The following GFPT1 variants were observed in gnomAD, a reference collection of about 807,000 sequenced individuals.
The protein encoded by GFPT1 is glutamine--fructose-6-phosphate transaminase 1, also known as glutamine--fructose-6-phosphate aminotransferase [isomerizing] 1.
Under a neutral mutation model 92.0 loss-of-function variants are expected in GFPT1, and 40 were observed. The observed-to-expected ratio is 0.43, with a 90% CI of 0.34 to 0.57. The LOEUF is 0.57. Among genes scored for constraint, GFPT1 ranks in the 20% least tolerant of loss-of-function variants. The pLI, the probability that GFPT1 is intolerant of heterozygous loss-of-function variation, is 0.02. For synonymous variants in GFPT1, 269 were observed against 280.6 expected (o/e 0.96, Z 0.41); for missense variants, 448 against 869.1 (o/e 0.52, Z 6.09).
At chr2:69,345,805 G>A (rs1671067403) in intron 12 of GFPT1, 99 bp downstream of exon 12, 1 of 752,740 alleles carries the variant, frequency 1.3e-6, no homozygotes, top group East Asian at 2.6e-5. Flanking sequence ...AGCTGTAGTT[G>A]TTCTACAAGG....
At chr2:69,342,016 C>T (rs1670965483) in intron 13 of GFPT1, 136 bp downstream of exon 13, 2 of 599,042 alleles carry the variant, frequency 3.3e-6, no homozygotes, top group Non-Finnish European at 5.8e-6. Context: ...CTCCCCTTAC[C>T]TTCTTTTTTT....
chr2:69,345,760 T>C lies in GFPT1; in HGVS notation c.1105+144A>G, dbSNP rs1574057965. Reference sequence around the variant, plus strand: ...AGGTAGAATCACACACTAAAGAACTTTTTCCAAGATGGCTGGGCTCCACTG... The same window carrying C: ...AGGTAGAATCACACACTAAAGAACTCTTTCCAAGATGGCTGGGCTCCACTG... On this transcript the variant is annotated intron_variant, in intron 12 of 19. Transcript: ENST00000357308. 4.8e-6 allele frequency: 3 copies of C among 628,956 alleles called. No homozygotes were observed. In the Admixed American group the frequency reaches 8.4e-5, roughly 18 times the overall value. 39.0% of individuals were successfully genotyped at this position (628,956 alleles called of 1,614,324 possible). A position where few individuals can be genotyped will look rare whatever the true frequency, so the allele number is the denominator to read the frequency against.
At chr2:69,364,114 C>CA (rs10715095) in intron 3 of GFPT1, among the ~76,000 whole-genome samples, 25,245 of 98,752 alleles carry the variant, frequency 0.26, 2,652 homozygotes, top group African/African-American at 0.32. Flanking sequence ...GACTCCATCT[C>CA]AAAAAAAAAA....
At chr2:69,371,000 AAAAC>A (rs532619158) in intron 2 of GFPT1, among the ~76,000 whole-genome samples, 440 of 152,154 alleles carry the variant, frequency 2.9e-3, no homozygotes, top group Non-Finnish European at 3.5e-3. Flanking sequence ...ATTCATCTCA[AAAAC>A]AAACAAACAA....
chr2:69,339,877 T>C (rs1670896485), intron 13 of GFPT1, among the ~76,000 whole-genome samples: 1 of 152,128 alleles, frequency 6.6e-6, no homozygotes, highest in South Asian at 2.1e-4. Context: ...TTTCCATTAA[T>C]ATATTTTATT....
Position 69,328,701 on chromosome 2 carries a change from C to CT in GFPT1, c.1726-264dup, listed in dbSNP as rs10634143. On this transcript the variant is annotated intron_variant, in intron 17 of 19. Transcript: ENST00000357308. Reference sequence around the variant, plus strand: ...AACATATTCATATTTCTGGTTAACCCTTTTTTTTTTTTTTTTTAAGACAGA... The same window carrying CT: ...AACATATTCATATTTCTGGTTAACCCTTTTTTTTTTTTTTTTTTAAGACAGA... Among the ~76,000 whole-genome samples, 33,199 of 135,938 alleles carry CT rather than the reference C, an allele frequency of 0.24. 5,721 individuals are homozygous for CT. The highest frequency in any genetic ancestry group is 0.49 in the African/African-American group (17,619 of 36,168). 89.2% of individuals were successfully genotyped at this position (135,938 alleles called of 152,430 possible). A position where few individuals can be genotyped will look rare whatever the true frequency, so the allele number is the denominator to read the frequency against.
intron 13 of GFPT1, among the ~76,000 whole-genome samples, chr2:69,340,526 T>A (rs1670924211): frequency 6.6e-6 from 1 of 152,152 alleles, no homozygotes; most frequent in Admixed American, 6.5e-5. Flanking sequence ...GTTATTTATA[T>A]CCTACTGCTC....
At chr2:69,359,831 T>C (rs1671424158) in intron 4 of GFPT1, among the ~76,000 whole-genome samples, 1 of 152,190 alleles carries the variant, frequency 6.6e-6, no homozygotes, top group African/African-American at 2.4e-5. Context: ...GAAAAACCAA[T>C]CAGTTCCATA....
chr2:69,331,022 A>T (rs896318353), intron 15 of GFPT1, among the ~76,000 whole-genome samples: 3 of 152,194 alleles, frequency 2.0e-5, no homozygotes, highest in African/African-American at 4.8e-5. Flanking sequence ...CTAAAAGACA[A>T]TTAGTTTCTT....
intron 9 of GFPT1, among the ~76,000 whole-genome samples, chr2:69,352,387 G>A (rs1671228873): frequency 6.6e-6 from 1 of 151,938 alleles, no homozygotes; most frequent in Non-Finnish European, 1.5e-5. Flanking sequence ...GGCCGAGGTG[G>A]GCGGATCATG....
intron 2 of GFPT1, 54 bp downstream of exon 2, chr2:69,373,952 A>T: frequency 1.2e-6 from 1 of 851,802 alleles, no homozygotes; most frequent in Non-Finnish European, 2.0e-6. Flanking sequence ...TAACAATAAA[A>T]ATAGTATCTA....
At chr2:69,352,072 G>C (rs1464958565) in intron 9 of GFPT1, among the ~76,000 whole-genome samples, 2 of 149,850 alleles carry the variant, frequency 1.3e-5, no homozygotes, top group Non-Finnish European at 3.0e-5. Flanking sequence ...GACCAGCCTG[G>C]CCAACATGGT....
intron 12 of GFPT1, among the ~76,000 whole-genome samples, chr2:69,344,539 G>A (rs1286526939): frequency 6.6e-6 from 1 of 152,084 alleles, no homozygotes; most frequent in Non-Finnish European, 1.5e-5. Flanking sequence ...CTAACAATGT[G>A]ACCTTTGACA....
chr2:69,377,856 G>T (rs1192007746), intron 1 of GFPT1, among the ~76,000 whole-genome samples: 1 of 152,160 alleles, frequency 6.6e-6, no homozygotes, highest in African/African-American at 2.4e-5. Flanking sequence ...ATCTTGGGGT[G>T]CCCGAGACAA....
chr2:69,379,540 A>G (rs1417311927), intron 1 of GFPT1, among the ~76,000 whole-genome samples: 2 of 151,912 alleles, frequency 1.3e-5, no homozygotes, highest in African/African-American at 4.8e-5. Context: ...TTTGAGATAC[A>G]TTTTCTTTTT....
rs769953298 is a variant in GFPT1 at position 69,337,889 on chromosome 2, A to G, written c.1482+9T>C. The G allele has an allele frequency of 6.2e-7, 1 of 1,610,728 alleles. No individual in the cohort carries two copies. Among genetic ancestry groups the G allele is most frequent in the South Asian group, 1.1e-5 (1 of 91,000 alleles). ...AAATAATCATCAGAGAAATGAGTCA[A>G]GAATTTACCTTTGTACTGGCCACAC... is the stretch of plus-strand genomic sequence containing the variant. On this transcript the variant is annotated intron_variant, in intron 15 of 19. Transcript: ENST00000357308.
intron 15 of GFPT1, among the ~76,000 whole-genome samples, chr2:69,331,776 G>A (rs955902077): frequency 6.6e-6 from 1 of 151,782 alleles, no homozygotes; most frequent in Non-Finnish European, 1.5e-5. Flanking sequence ...GGAAAACTAA[G>A]AAAACTGCTT....
intron 11 of GFPT1, among the ~76,000 whole-genome samples, chr2:69,347,774 C>T (rs1671119377): frequency 6.6e-6 from 1 of 152,098 alleles, no homozygotes; most frequent in South Asian, 2.1e-4. Context: ...TGAGCCACCG[C>T]ACCCAGCCAT....
chr2:69,382,849 C>T (rs61199392), intron 1 of GFPT1, among the ~76,000 whole-genome samples: 4,297 of 152,294 alleles, frequency 0.028, 200 homozygotes, highest in East Asian at 0.19. Context: ...CCCCAGAGCT[C>T]TCCAGTCTCT....
Sources: gnomAD v4.1 joint callset for allele counts (sites outside exome capture counted in the v4.1 genomes callset) on GRCh38, gnomAD v4.1.1 for gene constraint, MANE v1.5 for transcripts, NCBI Gene and HGNC (gene_info 2026-07-23, HGNC 2026-07-21) for gene names.